MTHFD1: variants seen among roughly 807,000 people sequenced by gnomAD.
MTHFD1 encodes the protein C-1-tetrahydrofolate synthase, cytoplasmic.
A neutral mutation model predicts 110.3 loss-of-function variants in MTHFD1; 44 were observed. The ratio of observed to expected loss-of-function variants is 0.40; its 90% CI spans 0.31 to 0.51. The LOEUF (loss-of-function observed/expected upper bound fraction) is 0.51, where lower values mean the gene tolerates loss of function less well. Among genes scored for constraint, MTHFD1 ranks in the 20% least tolerant of loss-of-function variants. The probability of loss-of-function intolerance (pLI) is 0.60; values close to 1 mark genes in which losing one functional copy is unlikely to be tolerated. For synonymous variants in MTHFD1, 402 were observed against 428.8 expected, an observed-to-expected ratio of 0.94 and a Z score of 0.77; for missense variants, 909 against 1,173.1, an observed-to-expected ratio of 0.77 and a Z score of 3.29.
chr14:64,400,027 A>C (rs972070148), intron 1 of MTHFD1, among the ~76,000 whole-genome samples: 1 of 152,190 alleles, frequency 6.6e-6, no homozygotes, highest in Non-Finnish European at 1.5e-5. Context: ...CTCTTGCCTT[A>C]GGTTCCCAAA....
chr14:64,396,751 A>G, intron 1 of MTHFD1, among the ~76,000 whole-genome samples: 1 of 151,742 alleles, frequency 6.6e-6, no homozygotes, highest in African/African-American at 2.4e-5. Flanking sequence ...AAATAAATCA[A>G]CAAATGAACA....
Position 64,440,106 on chromosome 14 carries a change from C to G in MTHFD1, c.1675-20C>G. On this transcript the variant is annotated intron_variant, in intron 17 of 27. Coordinates refer to ENST00000652337, the MANE Select transcript of MTHFD1 (RefSeq NM_005956.4). ...GTTTAACACAAAGTTTTTGCTAGTA[C>G]CTCTTTTCCCTGCCCACAGGCCCAG... 1.9e-6 allele frequency: 3 copies of G among 1,607,654 alleles called. No homozygotes were observed. Among genetic ancestry groups the G allele is most frequent in the Non-Finnish European group, 2.6e-6 (3 of 1,176,336 alleles).
At chr14:64,429,706 A>G (rs2078143859) in intron 12 of MTHFD1, among the ~76,000 whole-genome samples, 1 of 152,212 alleles carries the variant, frequency 6.6e-6, no homozygotes, top group Non-Finnish European at 1.5e-5. Flanking sequence ...AGCATTTTAA[A>G]TAAGGGATAC....
At chr14:64,403,559 C>T (rs10142442) in intron 2 of MTHFD1, among the ~76,000 whole-genome samples, 9,029 of 151,060 alleles carry the variant, frequency 0.06, 495 homozygotes, top group African/African-American at 0.15. Context: ...TAAGCCACTG[C>T]GCCCAGCCTT....
At chr14:64,418,463 A>AAAT (rs1555337239) in intron 7 of MTHFD1, among the ~76,000 whole-genome samples, 2 of 151,330 alleles carry the variant, frequency 1.3e-5, no homozygotes, top group South Asian at 2.1e-4. Flanking sequence ...AAAAAAAAAA[A>AAAT]AATTAATTAA....
intron 15 of MTHFD1, among the ~76,000 whole-genome samples, chr14:64,432,810 A>G (rs2078170406): frequency 6.6e-6 from 1 of 152,200 alleles, no homozygotes; most frequent in African/African-American, 2.4e-5. Flanking sequence ...GCTGGAGTGC[A>G]GAGGCACAAT....
chr14:64,412,603 G>A, intron 4 of MTHFD1, 78 bp downstream of exon 4: 1 of 1,090,792 alleles, frequency 9.2e-7, no homozygotes. Flanking sequence ...GGGGCTTTGG[G>A]GACTGACACA....
chr14:64,433,208 A>G (rs2078174472), intron 15 of MTHFD1, among the ~76,000 whole-genome samples: 1 of 151,898 alleles, frequency 6.6e-6, no homozygotes, highest in Non-Finnish European at 1.5e-5. Context: ...TGCAACCTCC[A>G]CCTCTCAGGT....
intron 17 of MTHFD1, 89 bp from the exon 18 acceptor site, chr14:64,440,037 G>A: frequency 8.3e-7 from 1 of 1,207,376 alleles, no homozygotes; most frequent in Non-Finnish European, 1.2e-6. Context: ...ATTTGTTTAA[G>A]CCTCAGATGT....
intron 26 of MTHFD1, 81 bp from the exon 27 acceptor site, chr14:64,458,133 C>A: frequency 9.0e-7 from 1 of 1,113,166 alleles, no homozygotes; most frequent in Non-Finnish European, 1.4e-6. Context: ...TCAAGTGATC[C>A]TCTCCACCTC....
intron 22 of MTHFD1, among the ~76,000 whole-genome samples, chr14:64,446,703 G>A (rs190873489): frequency 1.1e-4 from 17 of 152,128 alleles, no homozygotes; most frequent in Admixed American, 7.2e-4. Flanking sequence ...CATCATGTCC[G>A]GCTAATTTTT....
At chr14:64,434,374 A>C (rs1442997698) in intron 15 of MTHFD1, among the ~76,000 whole-genome samples, 1 of 152,034 alleles carries the variant, frequency 6.6e-6, no homozygotes, top group Non-Finnish European at 1.5e-5. Context: ...AATGAAGCAA[A>C]ACCTCGTCTC....
At chr14:64,399,728 G>T (rs2077882623) in intron 1 of MTHFD1, among the ~76,000 whole-genome samples, 1 of 151,354 alleles carries the variant, frequency 6.6e-6, no homozygotes, top group Non-Finnish European at 1.5e-5. Context: ...TTGTTGGGAA[G>T]TTCCTGTACA....
At chr14:64,407,464 C>CAA (rs773866589) in intron 2 of MTHFD1, among the ~76,000 whole-genome samples, 2 of 117,134 alleles carry the variant, frequency 1.7e-5, no homozygotes, top group African/African-American at 3.1e-5. Context: ...GACTTTGTCT[C>CAA]AAAAAAAAAA....
intron 9 of MTHFD1, 99 bp downstream of exon 9, chr14:64,425,030 T>A: frequency 1.4e-6 from 2 of 1,426,944 alleles, no homozygotes; most frequent in Non-Finnish European, 9.7e-7. Flanking sequence ...TACTCAGAAG[T>A]AAAGATGTGA....
At chr14:64,405,537 A>T (rs1029871696) in intron 2 of MTHFD1, among the ~76,000 whole-genome samples, 2 of 152,026 alleles carry the variant, frequency 1.3e-5, no homozygotes. Context: ...CCATCTTCCC[A>T]CATTCCCTGA....
At chr14:64,436,042 G>T (rs2078203509) in intron 16 of MTHFD1, among the ~76,000 whole-genome samples, 1 of 152,002 alleles carries the variant, frequency 6.6e-6, no homozygotes. Flanking sequence ...TTTATTCTTA[G>T]AACTCTTGTG....
chr14:64,412,634 A>ATTTT (rs10678665), intron 4 of MTHFD1, 109 bp downstream of exon 4: 291 of 480,258 alleles, frequency 6.1e-4, no homozygotes, highest in Middle Eastern at 2.3e-3. Flanking sequence ...ACCTCCAGGT[A>ATTTT]TTTTTTTTTT....
chr14:64,441,925 A>T (rs2078252529), intron 19 of MTHFD1, 129 bp from the exon 20 acceptor site: 1 of 723,668 alleles, frequency 1.4e-6, no homozygotes, highest in African/African-American at 1.7e-5. Flanking sequence ...AATAAAAGAG[A>T]TGACTTTATA....
Sources: gnomAD v4.1 joint callset for allele counts (sites outside exome capture counted in the v4.1 genomes callset) on GRCh38, gnomAD v4.1.1 for gene constraint, MANE v1.5 for transcripts, NCBI Gene and HGNC (gene_info 2026-07-23, HGNC 2026-07-21) for gene names.